The following CAV1 variants were observed in gnomAD, a reference collection of about 807,000 sequenced individuals.
CAV1 encodes caveolin 1, also known as caveolin-1.
A neutral mutation model predicts 16.5 loss-of-function variants in CAV1; 10 were observed. The ratio of observed to expected loss-of-function variants is 0.61; its 90% CI spans 0.37 to 1.03. The LOEUF is 1.03. CAV1 is among the 50% of genes least tolerant of loss of function. The pLI is 0.01. For missense variants in CAV1, 212 were observed against 232.8 expected, an observed-to-expected ratio of 0.91 and a Z score of 0.58; for synonymous variants, 76 against 85.1, an observed-to-expected ratio of 0.89 and a Z score of 0.59.
At chr7:116,544,376 T>C (rs1227729277) in intron 2 of CAV1, among the ~76,000 whole-genome samples, 1 of 152,184 alleles carries the variant, frequency 6.6e-6, no homozygotes, top group Non-Finnish European at 1.5e-5. Flanking sequence ...CACTAATTCA[T>C]TCATTTATTC....
chr7:116,540,608 C>G (rs941139249), intron 2 of CAV1, among the ~76,000 whole-genome samples: 1 of 152,046 alleles, frequency 6.6e-6, no homozygotes, highest in Non-Finnish European at 1.5e-5. Context: ...CAGAAACTTG[C>G]GTGAACAAGT....
At chr7:116,538,839 A>C (rs902073696) in intron 2 of CAV1, among the ~76,000 whole-genome samples, 1 of 152,230 alleles carries the variant, frequency 6.6e-6, no homozygotes, top group Non-Finnish European at 1.5e-5. Context: ...CACATCTTAC[A>C]TGGTGGCAGA....
At chr7:116,546,310 G>A (rs186144380) in intron 2 of CAV1, among the ~76,000 whole-genome samples, 148 of 152,270 alleles carry the variant, frequency 9.7e-4, no homozygotes, top group African/African-American at 2.8e-3. Flanking sequence ...ATGTGGACGC[G>A]AGAGATGGCT....
chr7:116,533,401 AT>A (rs1233311993), intron 2 of CAV1, among the ~76,000 whole-genome samples: 2 of 149,088 alleles, frequency 1.3e-5, no homozygotes, highest in Non-Finnish European at 1.5e-5. Context: ...ATAAAATAAA[AT>A]AAAATAAAAA....
Position 116,539,958 on chromosome 7 carries a change from G to A in CAV1, c.195+13269G>A, listed in dbSNP as rs960966251. ...CCTGTTGAACCCCCCATCTATCCCC[G>A]CACTATGGCAAGATTGAGAGGAATG... On this transcript the variant is annotated intron_variant, in intron 2 of 2. Coordinates refer to ENST00000341049, the MANE Select transcript of CAV1 (RefSeq NM_001753.5). 1.2e-4 allele frequency among the ~76,000 whole-genome samples: 19 copies of A among 152,078 alleles called. No individual in the cohort carries two copies. In the East Asian group the frequency reaches 2.9e-3, roughly 23 times the overall value.
intron 2 of CAV1, among the ~76,000 whole-genome samples, chr7:116,547,187 T>A (rs1341815904): frequency 6.6e-6 from 1 of 152,144 alleles, no homozygotes; most frequent in Admixed American, 6.5e-5. Context: ...CCAAATAAAG[T>A]CACATTCTGA....
intron 2 of CAV1, among the ~76,000 whole-genome samples, chr7:116,537,461 T>C (rs1441210210): frequency 6.6e-6 from 1 of 152,134 alleles, no homozygotes; most frequent in Non-Finnish European, 1.5e-5. Flanking sequence ...GTACTATTAT[T>C]ATTATCACCA....
At chr7:116,535,156 G>A (rs1793782471) in intron 2 of CAV1, among the ~76,000 whole-genome samples, 1 of 152,172 alleles carries the variant, frequency 6.6e-6, no homozygotes, top group Non-Finnish European at 1.5e-5. Context: ...GCTCAGAAGT[G>A]TCCCATTTGG....
At chr7:116,551,810 A>T (rs1794169345) in intron 2 of CAV1, 1 of 152,116 alleles carries the variant, frequency 6.6e-6, no homozygotes, top group Non-Finnish European at 1.5e-5. Context: ...TGAGCTGGGG[A>T]AAGATCCATG....
intron 2 of CAV1, among the ~76,000 whole-genome samples, chr7:116,555,542 G>GAGAAAGAAAGAAAGAAAGAA (rs1225761657): frequency 8.2e-5 from 1 of 12,124 alleles, no homozygotes; most frequent in Non-Finnish European, 1.7e-4. Flanking sequence ...GAGAGAGAGA[G>GAGAAAGAAAGAAAGAAAGAA]AGAAAGAAAG....
At position 116,561,115 on chromosome 7, in the gene CAV1, A is replaced by AT. The variant is rs1007291671; in HGVS notation, c.*1834dup. 12 of 152,598 alleles carry AT rather than the reference A, an allele frequency of 7.9e-5. No individual in the cohort carries two copies. The highest frequency in any genetic ancestry group is 2.7e-4 in the African/African-American group (11 of 41,450). 9.5% of individuals were successfully genotyped at this position (152,598 alleles called of 1,614,324 possible). ...TATATGCTTACTGATATATTTTACA[A>AT]TTTTTTATCATGCATGTCCTGTAAA... On this transcript the variant is annotated 3_prime_UTR_variant, in exon 3 of 3. Transcript: ENST00000341049.
intron 2 of CAV1, among the ~76,000 whole-genome samples, chr7:116,546,702 A>AAAAAAAAATAAAAAT (rs754539592): frequency 1.4e-5 from 2 of 142,952 alleles, no homozygotes; most frequent in African/African-American, 5.3e-5. Context: ...TGTCACAAAA[A>AAAAAAAAATAAAAAT]AAAAAAAAAA....
intron 2 of CAV1, among the ~76,000 whole-genome samples, chr7:116,555,505 A>G (rs1562838012): frequency 0.37 from 6,833 of 18,226 alleles, 2,359 homozygotes; most frequent in South Asian, 0.52. Flanking sequence ...AGAAAGAAAG[A>G]AAGAAAGAAA....
At chr7:116,558,101 C>A (rs772521296) in intron 2 of CAV1, among the ~76,000 whole-genome samples, 4 of 152,170 alleles carry the variant, frequency 2.6e-5, no homozygotes, top group Non-Finnish European at 4.4e-5. Flanking sequence ...CTCATGAAGC[C>A]TTCTTGATGC....
intron 2 of CAV1, among the ~76,000 whole-genome samples, chr7:116,538,621 G>A (rs781355474): frequency 6.6e-6 from 1 of 152,180 alleles, no homozygotes; most frequent in Non-Finnish European, 1.5e-5. Flanking sequence ...TTTTGGGTAA[G>A]TCCCTCTATT....
chr7:116,553,537 A>G (rs1364418281), intron 2 of CAV1, among the ~76,000 whole-genome samples: 1 of 152,098 alleles, frequency 6.6e-6, no homozygotes, highest in East Asian at 1.9e-4. Flanking sequence ...AAGTTGTTCC[A>G]TAAATTACAG....
In CAV1 at chr7:116,525,066, T is replaced by G; in HGVS notation, c.4T>G (p.Ser2Ala). The G allele has an allele frequency of 6.2e-7, 1 of 1,614,158 alleles. No individual in the cohort carries two copies. Among genetic ancestry groups the G allele is most frequent in the East Asian group, 2.2e-5 (1 of 44,872 alleles). M[S>A]GGKYVDSEGH... ...TTTCATCCAGCCACGGGCCAGCATG[T>G]CTGGGGGCAAATACGTAGACTCGGA... The change falls in exon 1 of 3, where the codon TCT becomes GCT. Residue 2 changes from serine to alanine, a missense_variant. Physicochemically the swap from Ser to Ala is moderately conservative, Grantham distance 99. Coordinates refer to ENST00000341049, the MANE Select transcript of CAV1 (RefSeq NM_001753.5).
At position 116,555,484 on chromosome 7, in the gene CAV1, AAAAGAAAG is replaced by A. The variant is rs1232983304; in HGVS notation, c.196-3432_196-3425del. ...GGAAGGAAGGAAGGAAGGAGGAAAG[AAAAGAAAG>A]AAAGAAAGAAAGAAAGAAAGAAAGA... is the stretch of plus-strand genomic sequence containing the variant. On this transcript the variant is annotated intron_variant, in intron 2 of 2. Transcript: ENST00000341049. 1.3e-3 allele frequency among the ~76,000 whole-genome samples: 8 copies of A among 6,090 alleles called. 3 individuals are homozygous for A. The East Asian group carries it at 0.061, about 46-fold the overall frequency. 4.0% of individuals were successfully genotyped at this position (6,090 alleles called of 152,430 possible).
rs73716741 is a variant in CAV1, at chr7:116,526,860, C to T, written c.195+171C>T. The T allele has an allele frequency of 1.6e-5, 11 of 698,330 alleles. 1 individual carries two copies. The African/African-American group carries it at 1.8e-4, about 11-fold the overall frequency. The allele number at this position is 698,330 out of a possible 1,614,324, so 43.3% of individuals were successfully genotyped here. A position where few individuals can be genotyped will look rare whatever the true frequency, so the allele number is the denominator to read the frequency against. On this transcript the variant is annotated intron_variant, in intron 2 of 2. Transcript: ENST00000341049. Reference sequence around the variant, plus strand: ...TTTGATGTGTGGGAGCTCCCGCAGTCGGCAGAAACGTTACATCTCCCTTCC... The same window carrying T: ...TTTGATGTGTGGGAGCTCCCGCAGTTGGCAGAAACGTTACATCTCCCTTCC...
Sources: allele counts gnomAD v4.1 joint callset (sites outside exome capture counted in the v4.1 genomes callset), GRCh38; gene constraint gnomAD v4.1.1; transcripts MANE v1.5; gene names NCBI Gene and HGNC (gene_info 2026-07-23, HGNC 2026-07-21).